Variants in SLCO6A1 observed in about 807,000 individuals in gnomAD.
SLCO6A1 encodes cancer/testis antigen 48.
A neutral mutation model predicts 72.7 loss-of-function variants in SLCO6A1; 65 were observed. That is an observed-to-expected ratio of 0.89 (90% CI 0.73 to 1.10). The LOEUF (loss-of-function observed/expected upper bound fraction) is 1.10, where lower values mean the gene tolerates loss of function less well. Among genes scored for constraint, SLCO6A1 ranks in the 50% least tolerant of loss-of-function variants. The probability of loss-of-function intolerance (pLI) is 0.00; values close to 1 mark genes in which losing one functional copy is unlikely to be tolerated. For missense variants in SLCO6A1, 874 were observed against 872.6 expected (o/e 1.00, Z -0.02); for synonymous variants, 314 against 298.2 (o/e 1.05, Z -0.55).
chr5:102,477,477 CT>C (rs1468147006), intron 3 of SLCO6A1, among the ~76,000 whole-genome samples, 198 bp downstream of exon 3: 1 of 152,040 alleles, frequency 6.6e-6, no homozygotes, highest in Non-Finnish European at 1.5e-5. Flanking sequence ...ATTCAGGTGA[CT>C]TGTCTAGAAT....
At chr5:102,423,227 A>T (rs535762455) in intron 7 of SLCO6A1, among the ~76,000 whole-genome samples, 37 of 152,196 alleles carry the variant, frequency 2.4e-4, no homozygotes, top group Non-Finnish European at 4.1e-4. Flanking sequence ...ACTGTGCAAA[A>T]TATCCAGCTA....
chr5:102,410,287 G>C (rs1187063252), intron 9 of SLCO6A1, among the ~76,000 whole-genome samples: 1 of 152,090 alleles, frequency 6.6e-6, no homozygotes, highest in African/African-American at 2.4e-5. Flanking sequence ...TAAGCAGAGA[G>C]GGTAGCTCCT....
chr5:102,393,966 T>C (rs1746916760), intron 10 of SLCO6A1, among the ~76,000 whole-genome samples: 1 of 152,170 alleles, frequency 6.6e-6, no homozygotes, highest in Non-Finnish European at 1.5e-5. Context: ...CTTAGCCCCA[T>C]GTGATCACTG....
At chr5:102,449,916 T>C (rs762079851) in intron 6 of SLCO6A1, among the ~76,000 whole-genome samples, 1 of 152,194 alleles carries the variant, frequency 6.6e-6, no homozygotes, top group Non-Finnish European at 1.5e-5. Flanking sequence ...CTGAGATTCT[T>C]TCCTCAACCG....
At chr5:102,425,063 T>G (rs1190455705) in intron 7 of SLCO6A1, among the ~76,000 whole-genome samples, 1 of 152,082 alleles carries the variant, frequency 6.6e-6, no homozygotes, top group Non-Finnish European at 1.5e-5. Context: ...TCGATAAAAT[T>G]TAACACCCCT....
At chr5:102,495,376 C>T (rs980376324) in intron 1 of SLCO6A1, among the ~76,000 whole-genome samples, 6 of 152,092 alleles carry the variant, frequency 3.9e-5, no homozygotes, top group African/African-American at 1.4e-4. Context: ...GGCGGATCAC[C>T]AGAAGTCAGG....
At chr5:102,456,056 C>A (rs1422430009) in intron 6 of SLCO6A1, among the ~76,000 whole-genome samples, 2 of 152,050 alleles carry the variant, frequency 1.3e-5, no homozygotes, top group Non-Finnish European at 2.9e-5. Flanking sequence ...AATTCAATAA[C>A]CCTTCATGCT....
intron 1 of SLCO6A1, among the ~76,000 whole-genome samples, chr5:102,489,689 G>A (rs1004349505): frequency 1.3e-5 from 2 of 152,002 alleles, no homozygotes; most frequent in African/African-American, 4.8e-5. Flanking sequence ...ACAGTATGGA[G>A]GTTCCTCAAA....
At chr5:102,385,826 CTTTTTT>C (rs57983218) in intron 12 of SLCO6A1, among the ~76,000 whole-genome samples, 1 of 121,214 alleles carries the variant, frequency 8.2e-6, no homozygotes, top group African/African-American at 3.2e-5. Context: ...CCTGTTTTTC[CTTTTTT>C]TTTTTTTTTT....
In SLCO6A1 at chr5:102,471,787, T is replaced by G. The variant is rs191152996; in HGVS notation, c.899+3910A>C. Among the ~76,000 whole-genome samples the G allele has an allele frequency of 1.4e-4, 21 of 152,098 alleles. No homozygotes were observed. The East Asian group carries it at 3.9e-3, about 28-fold the overall frequency. ...GTACAGTTAACTCACACTAGATCAT[T>G]TGAAGAGTGATAAGGGAACTATTTT... On this transcript the variant is annotated intron_variant, in intron 4 of 13. Coordinates refer to ENST00000506729, the MANE Select transcript of SLCO6A1 (RefSeq NM_173488.5).
chr5:102,494,512 A>G (rs549239457), intron 1 of SLCO6A1, among the ~76,000 whole-genome samples: 28 of 152,340 alleles, frequency 1.8e-4, no homozygotes, highest in African/African-American at 3.6e-4. Context: ...GGGAGAAAAT[A>G]TTAGTAAATA....
intron 1 of SLCO6A1, among the ~76,000 whole-genome samples, chr5:102,497,879 C>A (rs1337283574): frequency 5.9e-5 from 9 of 152,166 alleles, no homozygotes; most frequent in African/African-American, 2.2e-4. Context: ...CCTCTGGCGC[C>A]AAGAGTCTGA....
At chr5:102,448,607 C>T (rs1385006381) in intron 6 of SLCO6A1, among the ~76,000 whole-genome samples, 1 of 152,120 alleles carries the variant, frequency 6.6e-6, no homozygotes, top group East Asian at 1.9e-4. Flanking sequence ...TGAGTTGAAC[C>T]TTTGTCATTA....
intron 10 of SLCO6A1, 80 bp from the exon 11 acceptor site, chr5:102,391,125 A>AT (rs139875949): frequency 0.024 from 25,583 of 1,083,514 alleles, 2 homozygotes; most frequent in South Asian, 0.028. Flanking sequence ...AAGGCTAATC[A>AT]TTTTTTTTTT....
At chr5:102,494,601 G>GACATA (rs1752828116) in intron 1 of SLCO6A1, among the ~76,000 whole-genome samples, 1 of 152,064 alleles carries the variant, frequency 6.6e-6, no homozygotes, top group Non-Finnish European at 1.5e-5. Context: ...TTATTAAAGG[G>GACATA]CACTTCACAA....
chr5:102,495,919 G>A (rs1377680099), intron 1 of SLCO6A1, among the ~76,000 whole-genome samples: 2 of 152,148 alleles, frequency 1.3e-5, no homozygotes, highest in Non-Finnish European at 2.9e-5. Flanking sequence ...AAGAAAGTAT[G>A]AGGAAGTGTT....
intron 7 of SLCO6A1, among the ~76,000 whole-genome samples, chr5:102,427,823 T>A (rs1748978371): frequency 6.9e-6 from 1 of 145,272 alleles, no homozygotes; most frequent in Non-Finnish European, 1.5e-5. Context: ...GGAAACCCCC[T>A]CTCTCTGTGT....
intron 12 of SLCO6A1, among the ~76,000 whole-genome samples, chr5:102,384,577 CTATT>C (rs1746303652): frequency 6.6e-6 from 1 of 152,026 alleles, no homozygotes; most frequent in Non-Finnish European, 1.5e-5. Flanking sequence ...ACAGGTATAA[CTATT>C]TGTTTTATGC....
chr5:102,461,877 G>A (rs985669368), intron 4 of SLCO6A1, among the ~76,000 whole-genome samples: 1 of 151,986 alleles, frequency 6.6e-6, no homozygotes, highest in African/African-American at 2.4e-5. Flanking sequence ...CCTAGCCAGA[G>A]CAATTAAACA....
Sources: gnomAD v4.1 joint callset for allele counts (sites outside exome capture counted in the v4.1 genomes callset) on GRCh38, gnomAD v4.1.1 for gene constraint, MANE v1.5 for transcripts, NCBI Gene and HGNC (gene_info 2026-07-23, HGNC 2026-07-21) for gene names.